The following PTPRK variants were observed in gnomAD, a reference collection of about 807,000 sequenced individuals.
PTPRK encodes the protein protein tyrosine phosphatase receptor type K, also known as receptor-type tyrosine-protein phosphatase kappa.
Under a neutral mutation model 178.0 loss-of-function variants are expected in PTPRK, and 75 were observed. The ratio of observed to expected loss-of-function variants is 0.42; its 90% confidence interval spans 0.35 to 0.51. PTPRK has a LOEUF of 0.51. PTPRK is among the 20% of genes least tolerant of loss of function. The pLI is 0.02. For missense variants in PTPRK, 1,441 were observed against 1,797.8 expected, an observed-to-expected ratio of 0.80 and a Z score of 3.59; for synonymous variants, 637 against 620.6, an observed-to-expected ratio of 1.03 and a Z score of -0.39.
chr6:127,993,484 T>C (rs1201727781), intron 18 of PTPRK, among the ~76,000 whole-genome samples: 1 of 151,680 alleles, frequency 6.6e-6, no homozygotes, highest in Non-Finnish European at 1.5e-5. Context: ...TCCTAAGTTC[T>C]GAATTTGTTG....
chr6:127,972,355 A>G (rs1258314239), intron 29 of PTPRK, among the ~76,000 whole-genome samples: 1 of 152,216 alleles, frequency 6.6e-6, no homozygotes. Context: ...ACCCACAGAT[A>G]TCTCTCGTTA....
At chr6:127,976,627 A>G in intron 27 of PTPRK, 30 bp downstream of exon 27, 1 of 1,612,904 alleles carries the variant, frequency 6.2e-7, no homozygotes, top group East Asian at 2.2e-5. Context: ...CCTATTCTAG[A>G]TCAGCTCAAA....
At chr6:128,227,274 T>A (rs1199798977) in intron 5 of PTPRK, among the ~76,000 whole-genome samples, 2 of 152,142 alleles carry the variant, frequency 1.3e-5, no homozygotes, top group Non-Finnish European at 2.9e-5. Flanking sequence ...CCATGCAATT[T>A]ATAGAGTGAG....
chr6:128,283,487 C>T (rs1373181234), intron 3 of PTPRK, among the ~76,000 whole-genome samples: 1 of 152,028 alleles, frequency 6.6e-6, no homozygotes, highest in African/African-American at 2.4e-5. Context: ...AAAGAGAGGG[C>T]TTTTTAGAAA....
At chr6:128,433,675 C>T (rs1185068614) in intron 1 of PTPRK, among the ~76,000 whole-genome samples, 1 of 151,812 alleles carries the variant, frequency 6.6e-6, no homozygotes, top group Admixed American at 6.6e-5. Context: ...ACCATCACAC[C>T]AGGTTAATTT....
intron 2 of PTPRK, among the ~76,000 whole-genome samples, chr6:128,377,113 G>C (rs566419333): frequency 6.6e-6 from 1 of 152,134 alleles, no homozygotes; most frequent in South Asian, 2.1e-4. Flanking sequence ...ATATTTTTGG[G>C]TATCTTTTCA....
chr6:128,242,800 C>T (rs1042100514), intron 3 of PTPRK, among the ~76,000 whole-genome samples, 198 bp from the exon 4 acceptor site: 6 of 152,114 alleles, frequency 3.9e-5, no homozygotes, highest in Admixed American at 1.3e-4. Context: ...AGAAAAATTA[C>T]GTTACAGAGG....
chr6:128,433,160 A>G (rs1845056165), intron 1 of PTPRK, among the ~76,000 whole-genome samples: 1 of 152,214 alleles, frequency 6.6e-6, no homozygotes, highest in African/African-American at 2.4e-5. Flanking sequence ...TATACAACAT[A>G]TTGTTAACTA....
In PTPRK at chr6:128,184,700, A is replaced by G. The variant is rs2114698151; in HGVS notation, c.894T>C (p.Pro298=). ...VREPPRPIAP[P]QLLGVGPTYL... is the part of the protein sequence containing the mutation. ...ATGTAGGCCCAACACCAAGAAGCTG[A>G]GGAGGAGCAATGGGTCTTGGCGGTT... The change falls in exon 7 of 30, where the codon CCT becomes CCC. Residue 298 remains proline (P), a synonymous_variant. Transcript: ENST00000368226. 1 of 1,613,914 alleles carries G rather than the reference A, an allele frequency of 6.2e-7. No individual in the cohort carries two copies. Among genetic ancestry groups the G allele is most frequent in the Middle Eastern group, 1.7e-4 (1 of 6,058 alleles).
intron 3 of PTPRK, among the ~76,000 whole-genome samples, chr6:128,246,175 T>G (rs1815421977): frequency 6.6e-6 from 1 of 152,170 alleles, no homozygotes; most frequent in Non-Finnish European, 1.5e-5. Context: ...TAAAAATCAT[T>G]TTTTTGAAAA....
chr6:128,442,506 AAC>A (rs1328494615), intron 1 of PTPRK, among the ~76,000 whole-genome samples: 1 of 152,170 alleles, frequency 6.6e-6, no homozygotes, highest in African/African-American at 2.4e-5. Flanking sequence ...TCCCACCTAC[AAC>A]TATATGGCCA....
chr6:128,329,868 G>A (rs1396416816), intron 2 of PTPRK, among the ~76,000 whole-genome samples: 4 of 152,102 alleles, frequency 2.6e-5, no homozygotes, highest in African/African-American at 4.8e-5. Context: ...AAAATTGACC[G>A]TCACAAAGGG....
intron 2 of PTPRK, among the ~76,000 whole-genome samples, chr6:128,331,307 T>C (rs1489789103): frequency 6.6e-6 from 1 of 152,160 alleles, no homozygotes; most frequent in Non-Finnish European, 1.5e-5. Flanking sequence ...AAATATACCA[T>C]ATCTGTCTGT....
intron 8 of PTPRK, among the ~76,000 whole-genome samples, chr6:128,087,031 A>AT (rs143102290): frequency 0.014 from 2,170 of 152,266 alleles, 57 homozygotes; most frequent in African/African-American, 0.049. Flanking sequence ...GATAAGATAA[A>AT]TAGTACAGTC....
chr6:128,463,753 T>TG (rs1338263583), intron 1 of PTPRK, among the ~76,000 whole-genome samples: 2 of 139,998 alleles, frequency 1.4e-5, no homozygotes, highest in African/African-American at 2.7e-5. Context: ...TTTTTTTTTT[T>TG]TTTTTTTTTT....
intron 2 of PTPRK, among the ~76,000 whole-genome samples, chr6:128,368,167 C>T (rs1201151866): frequency 4.6e-5 from 7 of 151,942 alleles, no homozygotes; most frequent in Admixed American, 4.6e-4. Flanking sequence ...AGCAAAGGCT[C>T]ACACACAGGG....
chr6:128,418,617 T>A (rs886087135), intron 1 of PTPRK, among the ~76,000 whole-genome samples: 2 of 152,072 alleles, frequency 1.3e-5, no homozygotes, highest in Non-Finnish European at 2.9e-5. Flanking sequence ...GGGGAAAAAT[T>A]GTCTTCCATG....
intron 3 of PTPRK, among the ~76,000 whole-genome samples, chr6:128,273,455 C>G (rs2128298580): frequency 6.6e-6 from 1 of 152,266 alleles, no homozygotes; most frequent in Middle Eastern, 3.4e-3. Flanking sequence ...TATACCCATT[C>G]TATGAAAAGC....
intron 13 of PTPRK, among the ~76,000 whole-genome samples, chr6:128,058,270 A>C (rs1335664128): frequency 6.6e-6 from 1 of 152,164 alleles, no homozygotes; most frequent in African/African-American, 2.4e-5. Context: ...TTATACCCCC[A>C]CCAGCAGGAT....
Sources: gnomAD v4.1 joint callset for allele counts (sites outside exome capture counted in the v4.1 genomes callset) on GRCh38, gnomAD v4.1.1 for gene constraint, MANE v1.5 for transcripts, NCBI Gene and HGNC (gene_info 2026-07-23, HGNC 2026-07-21) for gene names.